Variants in PRELID2 observed in about 807,000 individuals in gnomAD.
The protein encoded by PRELID2 is PRELI domain-containing protein 2.
Under a neutral mutation model 28.4 loss-of-function variants are expected in PRELID2, and 25 were observed. That is an observed-to-expected ratio of 0.88 (90% CI 0.64 to 1.23). The LOEUF is 1.23. Ranked by LOEUF, PRELID2 falls within the 50% of genes most tolerant of loss-of-function variation. The pLI is 0.00. For missense variants in PRELID2, 201 were observed against 214.4 expected, an observed-to-expected ratio of 0.94 and a Z score of 0.39; for synonymous variants, 76 against 71.6, an observed-to-expected ratio of 1.06 and a Z score of -0.31.
the PRELID2 span, among the ~76,000 whole-genome samples, chr5:145,268,205 A>G: frequency 1.3e-5 from 2 of 152,096 alleles, no homozygotes; most frequent in African/African-American, 2.4e-5. Context: ...TACTCAAGAA[A>G]TCTTTGCCCA....
chr5:145,800,047 G>C (rs1260215210), intron 4 of PRELID2, among the ~76,000 whole-genome samples: 1 of 151,968 alleles, frequency 6.6e-6, no homozygotes, highest in Non-Finnish European at 1.5e-5. Context: ...GGAAATGAGA[G>C]CCACGTCTCC....
intron 1 of PRELID2, among the ~76,000 whole-genome samples, chr5:145,676,220 CA>C (rs34833967): frequency 0.041 from 2,198 of 53,574 alleles, 56 homozygotes; most frequent in African/African-American, 0.12. Context: ...AACTCCATCT[CA>C]AAAAAAAAAA....
intron 1 of PRELID2, among the ~76,000 whole-genome samples, chr5:145,556,118 C>T (rs1332083959): frequency 6.9e-6 from 1 of 144,910 alleles, no homozygotes; most frequent in African/African-American, 2.6e-5. Flanking sequence ...GCGGAAGTTG[C>T]AGTGAGCCAA....
At chr5:145,581,120 T>C (rs1396324764) in intron 1 of PRELID2, among the ~76,000 whole-genome samples, 1 of 151,870 alleles carries the variant, frequency 6.6e-6, no homozygotes. Context: ...TCTTGCCTCT[T>C]CCTAGTACAG....
chr5:145,763,911 A>G (rs564264963), intron 6 of PRELID2, among the ~76,000 whole-genome samples: 1 of 152,170 alleles, frequency 6.6e-6, no homozygotes, highest in African/African-American at 2.4e-5. Context: ...CCCCATCTCT[A>G]CTAAAAATAC....
At chr5:145,409,572 A>C in the PRELID2 span, among the ~76,000 whole-genome samples, 2 of 152,170 alleles carry the variant, frequency 1.3e-5, no homozygotes, top group African/African-American at 4.8e-5. Context: ...AATAGTAGCT[A>C]TTCTTATATC....
At chr5:145,399,447 CTCT>C in the PRELID2 span, among the ~76,000 whole-genome samples, 4 of 152,100 alleles carry the variant, frequency 2.6e-5, no homozygotes, top group African/African-American at 9.7e-5. Flanking sequence ...AAATTATATG[CTCT>C]TCTTCTTAAG....
At chr5:145,540,488 G>T (rs939966583) in intron 1 of PRELID2, among the ~76,000 whole-genome samples, 1 of 151,966 alleles carries the variant, frequency 6.6e-6, no homozygotes, top group East Asian at 1.9e-4. Flanking sequence ...GCATTTAATG[G>T]TTAGAAAGAT....
chr5:145,384,165 T>G, the PRELID2 span, among the ~76,000 whole-genome samples: 18 of 152,168 alleles, frequency 1.2e-4, no homozygotes, highest in Admixed American at 1.2e-3. Context: ...ATACCAGATG[T>G]GAGTGAGAGT....
chr5:145,813,357 A>T (rs972903555), intron 4 of PRELID2, among the ~76,000 whole-genome samples: 4 of 152,188 alleles, frequency 2.6e-5, no homozygotes, highest in African/African-American at 9.7e-5. Context: ...ATGCCTTTCT[A>T]AATCCATGTC....
intron 1 of PRELID2, among the ~76,000 whole-genome samples, chr5:145,489,431 T>C (rs1752248635): frequency 6.6e-6 from 1 of 152,216 alleles, no homozygotes; most frequent in Admixed American, 6.5e-5. Context: ...TGATCTTATG[T>C]AAGATTCCTG....
At chr5:145,817,725 C>T (rs953017247) in intron 4 of PRELID2, among the ~76,000 whole-genome samples, 169 bp downstream of exon 4, 28 of 151,844 alleles carry the variant, frequency 1.8e-4, no homozygotes, top group African/African-American at 6.8e-4. Flanking sequence ...CATTTCCTGA[C>T]CTCCCTTGCA....
chr5:145,282,387 T>C, the PRELID2 span, among the ~76,000 whole-genome samples: 1 of 152,226 alleles, frequency 6.6e-6, no homozygotes, highest in African/African-American at 2.4e-5. Context: ...CTCCTGTGCT[T>C]ATTATCAAGT....
At chr5:145,680,018 T>C (rs1754902231) in intron 1 of PRELID2, among the ~76,000 whole-genome samples, 1 of 152,066 alleles carries the variant, frequency 6.6e-6, no homozygotes, top group Non-Finnish European at 1.5e-5. Context: ...TAGATATATT[T>C]ATGTTTAGCA....
the PRELID2 span, among the ~76,000 whole-genome samples, chr5:145,443,857 T>C: frequency 1.3e-5 from 2 of 152,048 alleles, no homozygotes; most frequent in Non-Finnish European, 2.9e-5. Context: ...GCCCAGTGTC[T>C]TTTTTCCTGG....
the PRELID2 span, among the ~76,000 whole-genome samples, chr5:145,233,881 G>A: frequency 4.6e-5 from 7 of 152,162 alleles, no homozygotes; most frequent in East Asian, 1.9e-4. Context: ...AATAAAGCAA[G>A]TGTGTTTTTA....
chr5:145,690,205 C>G (rs886506705), intron 1 of PRELID2, among the ~76,000 whole-genome samples: 4 of 151,932 alleles, frequency 2.6e-5, no homozygotes, highest in African/African-American at 9.7e-5. Context: ...GTGCCCCCGG[C>G]CGGTCTTGAA....
the PRELID2 span, among the ~76,000 whole-genome samples, chr5:145,448,263 A>T: frequency 1.3e-5 from 2 of 151,848 alleles, no homozygotes; most frequent in Non-Finnish European, 2.9e-5. Context: ...GGCTGCATAA[A>T]TGTCTTCTTT....
At chr5:145,824,464 G>GTGTGTGTGTGTGTGTGAT (rs59690076) in intron 1 of PRELID2, among the ~76,000 whole-genome samples, 1 of 44,566 alleles carries the variant, frequency 2.2e-5, no homozygotes, top group Non-Finnish European at 1.0e-4. Flanking sequence ...GTGTGTGTGT[G>GTGTGTGTGTGTGTGTGAT]ATATTGATTT....
Sources: gnomAD v4.1 joint callset for allele counts (sites outside exome capture counted in the v4.1 genomes callset) on GRCh38, gnomAD v4.1.1 for gene constraint, MANE v1.5 for transcripts, NCBI Gene and HGNC (gene_info 2026-07-23, HGNC 2026-07-21) for gene names.